Variants in PSMA8 observed in about 807,000 individuals in gnomAD.
PSMA8 encodes the protein proteasome 20S subunit alpha 8.
A neutral mutation model predicts 32.4 loss-of-function variants in PSMA8; 18 were observed. The ratio of observed to expected loss-of-function variants is 0.56; its 90% CI spans 0.38 to 0.82. The LOEUF is 0.82. Among genes scored for constraint, PSMA8 ranks in the 40% least tolerant of loss-of-function variants. PSMA8 has a pLI of 0.00. For synonymous variants in PSMA8, 104 were observed against 98.1 expected (o/e 1.06, Z -0.36); for missense variants, 298 against 300.7 (o/e 0.99, Z 0.07).
intron 2 of PSMA8, among the ~76,000 whole-genome samples, chr18:26,150,698 G>T (rs922523502): frequency 6.6e-6 from 1 of 152,142 alleles, no homozygotes; most frequent in Non-Finnish European, 1.5e-5. Flanking sequence ...ACATAACTAT[G>T]TTGCTCATAT....
chr18:26,140,038 T>C (rs1230962425), intron 1 of PSMA8: 1 of 702,904 alleles, frequency 1.4e-6, no homozygotes, highest in Non-Finnish European at 2.6e-6. Context: ...TTTTCTTCCT[T>C]TGGTAGTATC....
intron 2 of PSMA8, 33 bp from the exon 3 acceptor site, chr18:26,151,825 G>A (rs199784615): frequency 1.6e-5 from 25 of 1,565,468 alleles, no homozygotes; most frequent in Non-Finnish European, 2.2e-5. Context: ...ATATGTTTTT[G>A]TGGTTTTTGT....
chr18:26,164,012 A>T (rs1190807510), intron 4 of PSMA8, among the ~76,000 whole-genome samples: 4 of 152,226 alleles, frequency 2.6e-5, no homozygotes, highest in African/African-American at 9.6e-5. Flanking sequence ...ACAGTGTTTG[A>T]AGAAAGAGTT....
intron 1 of PSMA8, chr18:26,140,254 G>C: frequency 1.5e-6 from 1 of 651,768 alleles, no homozygotes; most frequent in South Asian, 1.7e-5. Context: ...TGGCACCACA[G>C]GTGCCAGCCT....
In PSMA8 at chr18:26,170,741, T is replaced by C. The variant is rs1384427857; in HGVS notation, c.478-8089T>C. ...CTTCATATTAATCATTCTTCTCATA[T>C]ACTTCAAATTTGTACTTAATGCCTT... On this transcript the variant is annotated intron_variant, in intron 4 of 6. Coordinates refer to ENST00000415576, the MANE Select transcript of PSMA8 (RefSeq NM_001025096.2). 7.9e-6 allele frequency: 12 copies of C among 1,523,148 alleles called. 1 individual carries two copies. Among genetic ancestry groups the C allele is most frequent in the Non-Finnish European group, 1.1e-5 (12 of 1,139,738 alleles). The allele number at this position is 1,523,148 out of a possible 1,614,324, so 94.4% of individuals were successfully genotyped here.
At position 26,149,794 on chromosome 18, in the gene PSMA8, A is replaced by G. The variant is rs150104175; in HGVS notation, c.230-2064A>G. Among the ~76,000 whole-genome samples the G allele has an allele frequency of 5.6e-3, 849 of 152,348 alleles. 14 individuals carry two copies. Among genetic ancestry groups the G allele is most frequent in the African/African-American group, 0.019 (787 of 41,584 alleles). ...TACAAAAATTAACTCAAAATGAATG[A>G]AAGACCTAAACATAAGAGCTGAAAA... On this transcript the variant is annotated intron_variant, in intron 2 of 6. Transcript: ENST00000415576.
intron 4 of PSMA8, among the ~76,000 whole-genome samples, chr18:26,178,279 A>G (rs568331606): frequency 9.8e-5 from 15 of 152,298 alleles, no homozygotes; most frequent in African/African-American, 3.4e-4. Context: ...TTATATTAAT[A>G]GAAAGTGTTA....
chr18:26,144,653 C>T lies in PSMA8; in HGVS notation c.197C>T (p.Ala66Val), dbSNP rs778478249. 2.9e-5 allele frequency: 46 copies of T among 1,613,638 alleles called. No homozygotes were observed. Among genetic ancestry groups the T allele is most frequent in the Non-Finnish European group, 3.9e-5 (46 of 1,179,854 alleles). The stretch of plus-strand genomic sequence containing the variant: ...GAAAGAACTGTGAGGAAAATTTGTG[C>T]CCTTGATGACCATGTCTGCATGGCT... ...QDERTVRKIC[A>V]LDDHVCMAFA... Residue 66 changes from alanine (A) to valine (V), a missense_variant, in exon 2 of 7, where the codon GCC becomes GTC. By Grantham distance (64) the Ala-to-Val change is moderately conservative (BLOSUM62 0). Transcript: ENST00000415576.
intron 4 of PSMA8, among the ~76,000 whole-genome samples, chr18:26,176,469 CA>C (rs1399040616): frequency 1.8e-4 from 27 of 152,296 alleles, no homozygotes; most frequent in African/African-American, 6.5e-4. Flanking sequence ...GAAGTTTCAA[CA>C]GCTACTTATA....
chr18:26,151,735 G>A, intron 2 of PSMA8, 123 bp from the exon 3 acceptor site: 1 of 773,286 alleles, frequency 1.3e-6, no homozygotes, highest in East Asian at 2.7e-5. Context: ...TTTAAAATGA[G>A]CATGTATTGA....
chr18:26,168,448 T>G (rs2055196638), intron 4 of PSMA8, among the ~76,000 whole-genome samples: 1 of 119,684 alleles, frequency 8.4e-6, no homozygotes, highest in Non-Finnish European at 1.6e-5. Context: ...CTGTACTTCT[T>G]TCTGCCCTAG....
In PSMA8 at chr18:26,151,975, T is replaced by C. The variant is rs769757230; in HGVS notation, c.347T>C (p.Leu116Ser). 2.5e-6 allele frequency: 4 copies of C among 1,596,218 alleles called. No individual in the cohort carries two copies. The highest frequency in any genetic ancestry group is 3.4e-6 in the Non-Finnish European group (4 of 1,174,888). The change falls in exon 3 of 7, where the codon TTA (leucine) becomes TCA (serine). Residue 116 changes from leucine (L) to serine (S), a missense_variant. Coordinates refer to ENST00000415576, the MANE Select transcript of PSMA8 (RefSeq NM_001025096.2). Reference sequence around the variant, plus strand: ...TACATAACTCGCTTCATAGCAACTTTAAAGCAGGTAAGCTAATATTCTAAC... The same window carrying C: ...TACATAACTCGCTTCATAGCAACTTCAAAGCAGGTAAGCTAATATTCTAAC... ...VEYITRFIAT[L>S]KQKYTQSNGR...
chr18:26,174,596 C>CATAG (rs2055249807), intron 4 of PSMA8, among the ~76,000 whole-genome samples: 1 of 152,134 alleles, frequency 6.6e-6, no homozygotes, highest in African/African-American at 2.4e-5. Flanking sequence ...GACCCACCTG[C>CATAG]ATAGACTTAA....
At chr18:26,159,003 C>T (rs1028055410) in intron 4 of PSMA8, among the ~76,000 whole-genome samples, 1 of 151,944 alleles carries the variant, frequency 6.6e-6, no homozygotes, top group Non-Finnish European at 1.5e-5. Flanking sequence ...GCCCCCCTGC[C>T]CCCCGCAAAA....
chr18:26,167,367 T>C (rs1391410358), intron 4 of PSMA8, among the ~76,000 whole-genome samples: 2 of 152,322 alleles, frequency 1.3e-5, no homozygotes, highest in East Asian at 3.9e-4. Flanking sequence ...AGAGTAAATA[T>C]ATTTGCAAGA....
intron 1 of PSMA8, among the ~76,000 whole-genome samples, chr18:26,144,204 T>TTA (rs1258171509): frequency 6.6e-6 from 1 of 152,188 alleles, no homozygotes; most frequent in East Asian, 1.9e-4. Context: ...ATTGGTTTCA[T>TTA]TATACATCAT....
intron 3 of PSMA8, among the ~76,000 whole-genome samples, chr18:26,156,295 C>G (rs147247059): frequency 6.6e-6 from 1 of 152,164 alleles, no homozygotes; most frequent in Admixed American, 6.5e-5. Context: ...CCCACAATCC[C>G]ACTACTGGTT....
rs1598636583 is a variant in PSMA8, at chr18:26,133,904, T to C, written c.-62T>C. The C allele has an allele frequency of 2.8e-6, 4 of 1,436,992 alleles. No individual in the cohort carries two copies. In the East Asian group the frequency reaches 9.2e-5, roughly 33 times the overall value. 89.0% of individuals were successfully genotyped at this position (1,436,992 alleles called of 1,614,324 possible). ...GGTAGCACGCTGTGTTGGCGGCGGC[T>C]CCCCGCTTGCCTCAGCTGCAGCAGC... On this transcript the variant is annotated 5_prime_UTR_variant, in exon 1 of 7. Transcript: ENST00000415576.
chr18:26,151,733 G>T (rs2055047014), intron 2 of PSMA8, 125 bp from the exon 3 acceptor site: 2 of 756,136 alleles, frequency 2.6e-6, no homozygotes, highest in East Asian at 2.8e-5. Flanking sequence ...CTTTTAAAAT[G>T]AGCATGTATT....
Sources: gnomAD v4.1 joint callset for allele counts (sites outside exome capture counted in the v4.1 genomes callset) on GRCh38, gnomAD v4.1.1 for gene constraint, MANE v1.5 for transcripts, NCBI Gene and HGNC (gene_info 2026-07-23, HGNC 2026-07-21) for gene names.